The following PLB1 variants were observed in gnomAD, a reference collection of about 807,000 sequenced individuals.
PLB1 encodes phospholipase B1, membrane-associated.
A neutral mutation model predicts 227.4 loss-of-function variants in PLB1; 242 were observed. The ratio of observed to expected loss-of-function variants is 1.06; its 90% CI spans 0.96 to 1.18. PLB1 has a LOEUF of 1.18. PLB1 is among the 50% of genes most tolerant of loss of function. The pLI is 0.00. For synonymous variants in PLB1, 757 were observed against 682.2 expected, an observed-to-expected ratio of 1.11 and a Z score of -1.71; for missense variants, 1,858 against 1,816.3, an observed-to-expected ratio of 1.02 and a Z score of -0.42.
chr2:28,591,167 T>G lies in PLB1; in HGVS notation c.2123T>G (p.Met708Arg). The G allele has an allele frequency of 1.2e-6, 2 of 1,614,232 alleles. No individual in the cohort carries two copies. Among genetic ancestry groups the G allele is most frequent in the Non-Finnish European group, 1.7e-6 (2 of 1,180,028 alleles). ...QPFLRTYKNS[M>R]QGHGTWLPCR... ...TTTCTGAGGACCTACAAGAACAGCA[T>G]GCAGGTACCTGCCTCTTGCCTCCTC... Residue 708 changes from methionine to arginine, a missense_variant, in exon 30 of 58, where the codon ATG becomes AGG. By Grantham distance (91) the Met-to-Arg change is moderately conservative (BLOSUM62 -1). Transcript: ENST00000327757.
intron 46 of PLB1, among the ~76,000 whole-genome samples, chr2:28,618,933 A>G (rs1051130995): frequency 2.2e-4 from 34 of 152,244 alleles, no homozygotes; most frequent in African/African-American, 8.0e-4. Context: ...GAAATGAGGT[A>G]TGAAACACAG....
At chr2:28,581,933 C>T in intron 23 of PLB1, 135 bp from the exon 24 acceptor site, 1 of 747,806 alleles carries the variant, frequency 1.3e-6, no homozygotes, top group Non-Finnish European at 2.1e-6. Flanking sequence ...TGCACTCCAG[C>T]CCGGGAGACA....
intron 1 of PLB1, among the ~76,000 whole-genome samples, chr2:28,513,456 C>A (rs1336194159): frequency 6.6e-6 from 1 of 152,216 alleles, no homozygotes; most frequent in African/African-American, 2.4e-5. Flanking sequence ...TCAGTGTTTT[C>A]CCCCAGTTCC....
intron 26 of PLB1, among the ~76,000 whole-genome samples, chr2:28,586,746 T>G (rs2148277728): frequency 6.6e-6 from 1 of 152,278 alleles, no homozygotes; most frequent in African/African-American, 2.4e-5. Flanking sequence ...ATTTATTTAT[T>G]TTTATATATT....
At chr2:28,625,258 C>A in intron 50 of PLB1, 150 bp downstream of exon 50, 2 of 721,962 alleles carry the variant, frequency 2.8e-6, no homozygotes, top group Middle Eastern at 3.3e-4. Flanking sequence ...ACCAAGGAGG[C>A]GCCTGCCCTG....
At chr2:28,587,004 C>T (rs1458412172) in intron 26 of PLB1, among the ~76,000 whole-genome samples, 5 of 152,190 alleles carry the variant, frequency 3.3e-5, no homozygotes, top group Non-Finnish European at 5.9e-5. Context: ...CCGCCTCAGC[C>T]TTCCAAAGTG....
chr2:28,643,334 C>G lies in PLB1; in HGVS notation c.*273C>G, dbSNP rs1042006778. 1 of 306,132 alleles carries G rather than the reference C, an allele frequency of 3.3e-6. No homozygotes were observed. Among genetic ancestry groups the G allele is most frequent in the African/African-American group, 2.1e-5 (1 of 46,728 alleles). The allele number at this position is 306,132 out of a possible 1,614,324, so 19.0% of individuals were successfully genotyped here. On this transcript the variant is annotated 3_prime_UTR_variant, in exon 58 of 58. Coordinates refer to ENST00000327757, the MANE Select transcript of PLB1 (RefSeq NM_153021.5). ...TGTGCAGCCCAGGTGTGGGAGCTGC[C>G]ACTTTTTGTGGCCTGCCTCCAGCAG...
chr2:28,621,749 C>T (rs1453563627), intron 49 of PLB1, among the ~76,000 whole-genome samples: 2 of 152,140 alleles, frequency 1.3e-5, no homozygotes, highest in African/African-American at 2.4e-5. Flanking sequence ...AGTCTCTAAG[C>T]CACAGGAAGC....
intron 50 of PLB1, among the ~76,000 whole-genome samples, chr2:28,626,095 A>G (rs1687734653): frequency 6.6e-6 from 1 of 151,670 alleles, no homozygotes; most frequent in Admixed American, 6.6e-5. Context: ...TCCTGGGTTC[A>G]AGTGATTCTC....
chr2:28,609,913 G>A (rs764632803), intron 43 of PLB1, among the ~76,000 whole-genome samples: 17 of 151,936 alleles, frequency 1.1e-4, no homozygotes, highest in African/African-American at 2.7e-4. Context: ...CACTTTGTAC[G>A]TTAAAGGCTA....
At chr2:28,641,446 A>G (rs1689965365) in intron 57 of PLB1, among the ~76,000 whole-genome samples, 2 of 152,186 alleles carry the variant, frequency 1.3e-5, no homozygotes, top group Non-Finnish European at 2.9e-5. Context: ...CGTCTCTAGT[A>G]AAAATCCAAA....
At chr2:28,598,114 A>C (rs1442097536) in intron 34 of PLB1, 66 bp downstream of exon 34, 1 of 1,390,088 alleles carries the variant, frequency 7.2e-7, no homozygotes. Context: ...GGCTTCCCGA[A>C]AGTGCCTCCC....
chr2:28,601,911 G>T lies in PLB1; in HGVS notation c.2620G>T (p.Ala874Ser). The T allele has an allele frequency of 6.2e-7, 1 of 1,609,174 alleles. No homozygotes were observed. Among genetic ancestry groups the T allele is most frequent in the African/African-American group, 1.3e-5 (1 of 74,854 alleles). ...TGTCTCTTTCTAGAATCTGTATTCT[G>T]CAGCCAACTTTGTTCACCATCTCCG... Reference protein sequence around the residue: ...DYCTDSNLYSAANFVHHLRNA... With the variant: ...DYCTDSNLYSSANFVHHLRNA... The change falls in exon 38 of 58, where the codon GCA (alanine) becomes TCA (serine). Residue 874 changes from alanine (A) to serine (S), a missense_variant. Transcript: ENST00000327757.
rs1417733290 is a variant in PLB1, at chr2:28,600,802, T to C, written c.2475-7T>C. ...CAACAGAAGGATGGGTTTTCTCTCT[T>C]TCTCAGGGATCTTATGAGCCAAGTC... On this transcript the variant is annotated splice_region_variant and splice_polypyrimidine_tract_variant and intron_variant, in intron 35 of 57. Transcript: ENST00000327757. 3 of 1,613,412 alleles carry C rather than the reference T, an allele frequency of 1.9e-6. No homozygotes were observed. Among genetic ancestry groups the C allele is most frequent in the Non-Finnish European group, 2.5e-6 (3 of 1,179,322 alleles).
chr2:28,636,485 C>T (rs889580344), intron 56 of PLB1, among the ~76,000 whole-genome samples: 1 of 151,962 alleles, frequency 6.6e-6, no homozygotes, highest in African/African-American at 2.4e-5. Flanking sequence ...GGTATATCCC[C>T]AAAAGAAAGG....
At chr2:28,628,510 TTC>T in intron 51 of PLB1, 51 bp from the exon 52 acceptor site, 1 of 1,537,586 alleles carries the variant, frequency 6.5e-7, no homozygotes, top group East Asian at 2.2e-5. Context: ...GCTCTTGCCA[TTC>T]TCTCAGAGCG....
At chr2:28,622,829 T>C (rs71443088) in intron 49 of PLB1, among the ~76,000 whole-genome samples, 9,179 of 152,282 alleles carry the variant, frequency 0.06, 383 homozygotes, top group Non-Finnish European at 0.094. Flanking sequence ...GAGGCTGCAG[T>C]GAGCCAAGAT....
At chr2:28,592,125 T>A (rs142239623) in intron 31 of PLB1, among the ~76,000 whole-genome samples, 2 of 152,100 alleles carry the variant, frequency 1.3e-5, no homozygotes, top group Non-Finnish European at 2.9e-5. Flanking sequence ...CCGCCTACAG[T>A]AGGGCCTGGA....
chr2:28,598,052 A>G lies in PLB1; in HGVS notation c.2365+4A>G, dbSNP rs1259316440. The G allele has an allele frequency of 1.9e-6, 3 of 1,611,276 alleles. No homozygotes were observed. Among genetic ancestry groups the G allele is most frequent in the East Asian group, 4.5e-5 (2 of 44,872 alleles). Reference sequence around the variant, plus strand: ...GAGAATGTGACCACCTTACCTAGTAAGTAACCATCAGGGGCTTGAATCTGT... The same window carrying G: ...GAGAATGTGACCACCTTACCTAGTAGGTAACCATCAGGGGCTTGAATCTGT... On this transcript the variant is annotated splice_donor_region_variant and intron_variant, in intron 34 of 57. Transcript: ENST00000327757.
Sources: gnomAD v4.1 joint callset for allele counts (sites outside exome capture counted in the v4.1 genomes callset) on GRCh38, gnomAD v4.1.1 for gene constraint, MANE v1.5 for transcripts, NCBI Gene and HGNC (gene_info 2026-07-23, HGNC 2026-07-21) for gene names.